MED13L: variants seen among roughly 807,000 people sequenced by gnomAD.
MED13L encodes the protein mediator of RNA polymerase II transcription subunit 13-like.
Under a neutral mutation model 220.9 loss-of-function variants are expected in MED13L, and 7 were observed. That is an observed-to-expected ratio of 0.03 (90% confidence interval 0.02 to 0.06). MED13L has a LOEUF of 0.06. Ranked by LOEUF, MED13L falls within the 10% of genes least tolerant of loss-of-function variation. MED13L has a pLI of 1.00. For missense variants in MED13L, 1,965 were observed against 2,760.5 expected (o/e 0.71, Z 6.46); for synonymous variants, 1,011 against 1,015.2 (o/e 1.00, Z 0.08).
intron 22 of MED13L, chr12:115,981,853 A>G (rs1877351510): frequency 6.5e-6 from 1 of 154,840 alleles, no homozygotes; most frequent in African/African-American, 2.4e-5. Flanking sequence ...ATAGAGAAAC[A>G]AGCTAGAAAT....
intron 23 of MED13L, among the ~76,000 whole-genome samples, chr12:115,980,200 CATTT>C (rs1426691590): frequency 6.6e-6 from 1 of 152,134 alleles, no homozygotes; most frequent in Non-Finnish European, 1.5e-5. Flanking sequence ...AAAAGGGATA[CATTT>C]ATTATTGCCT....
chr12:116,162,127 C>T (rs144218438), intron 2 of MED13L, among the ~76,000 whole-genome samples: 13 of 152,196 alleles, frequency 8.5e-5, no homozygotes, highest in African/African-American at 2.2e-4. Context: ...CCAAAACAGA[C>T]GAGTTTTTCC....
intron 2 of MED13L, among the ~76,000 whole-genome samples, chr12:116,176,818 C>T (rs557087692): frequency 1.7e-4 from 23 of 136,010 alleles, no homozygotes; most frequent in African/African-American, 6.4e-4. Context: ...GAAGGGGAGG[C>T]AACCAGTTAA....
At chr12:115,981,026 C>T (rs949239486) in intron 22 of MED13L, 88 bp from the exon 23 acceptor site, 15 of 1,122,760 alleles carry the variant, frequency 1.3e-5, no homozygotes, top group East Asian at 2.5e-5. Context: ...AAAAAGGAAA[C>T]GGCATGAATT....
chr12:116,079,411 A>G (rs1035791544), intron 4 of MED13L, among the ~76,000 whole-genome samples: 6 of 151,516 alleles, frequency 4.0e-5, no homozygotes, highest in Non-Finnish European at 8.8e-5. Flanking sequence ...GAGATGGGGG[A>G]GGGGGGGTCT....
At chr12:116,219,681 G>A (rs1340478287) in intron 2 of MED13L, among the ~76,000 whole-genome samples, 2 of 152,170 alleles carry the variant, frequency 1.3e-5, no homozygotes, top group Non-Finnish European at 1.5e-5. Context: ...TATTTTGAGA[G>A]TAAAATGTCA....
chr12:116,062,577 T>G (rs1869598331), intron 4 of MED13L, among the ~76,000 whole-genome samples: 2 of 142,720 alleles, frequency 1.4e-5, no homozygotes, highest in Admixed American at 1.5e-4. Context: ...AACCTCCACC[T>G]CCCGGGTTCA....
intron 16 of MED13L, 93 bp downstream of exon 16, chr12:115,996,383 C>A (rs750282112): frequency 2.4e-5 from 35 of 1,436,456 alleles, no homozygotes; most frequent in Non-Finnish European, 3.3e-5. Flanking sequence ...TGAGCCACCG[C>A]GCCCGGACCT....
chr12:116,108,368 C>T (rs1347153918), intron 3 of MED13L, among the ~76,000 whole-genome samples: 1 of 118,486 alleles, frequency 8.4e-6, no homozygotes, highest in Non-Finnish European at 1.6e-5. Flanking sequence ...CTAACATTAA[C>T]AATAGCTGAG....
intron 13 of MED13L, 149 bp downstream of exon 13, chr12:116,005,720 C>T: frequency 2.9e-6 from 3 of 1,027,630 alleles, no homozygotes; most frequent in Non-Finnish European, 4.4e-6. Flanking sequence ...TGACTAGATT[C>T]CAGTATACAG....
intron 4 of MED13L, among the ~76,000 whole-genome samples, chr12:116,085,754 T>TCACA (rs10611880): frequency 0.03 from 4,482 of 147,076 alleles, 118 homozygotes; most frequent in African/African-American, 0.069. Flanking sequence ...TTAAAATCAC[T>TCACA]CACACACACA....
In MED13L at chr12:115,991,489, C is replaced by T; in HGVS notation, c.3465G>A (p.Glu1155=). 1 of 1,614,132 alleles carries T rather than the reference C, an allele frequency of 6.2e-7. No individual in the cohort carries two copies. Among genetic ancestry groups the T allele is most frequent in the Non-Finnish European group, 8.5e-7 (1 of 1,180,018 alleles). ...ACCCACAGGTACAGCGGTACTGGTC[C>T]TCATTGGAAGAATCGGGGATGTAAA... ...VGLYIPDSSN[E]DQYRCTCGFS... Residue 1155 remains glutamate, a synonymous_variant, in exon 17 of 31, where the codon GAG becomes GAA. Transcript: ENST00000281928. The surrounding 1 kb of genome is among the most constrained non-coding windows in gnomAD (Gnocchi z 7.7).
intron 2 of MED13L, among the ~76,000 whole-genome samples, chr12:116,137,271 GACA>G (rs1565895211): frequency 1.3e-5 from 2 of 152,094 alleles, no homozygotes. Context: ...TAAAGATGAG[GACA>G]ACAATGGCAG....
chr12:116,252,615 A>T (rs1165875113), intron 1 of MED13L, among the ~76,000 whole-genome samples: 1 of 152,130 alleles, frequency 6.6e-6, no homozygotes, highest in African/African-American at 2.4e-5. Context: ...GAAGAAATTA[A>T]ACCAAAAGTA....
intron 1 of MED13L, chr12:116,276,349 T>TGTGC (rs200291063): frequency 8.8e-5 from 57 of 646,194 alleles, no homozygotes; most frequent in Admixed American, 1.8e-4. Flanking sequence ...TGTGTGTGTG[T>TGTGC]GTGCGGATTC....
intron 4 of MED13L, among the ~76,000 whole-genome samples, chr12:116,023,007 G>T (rs1365975541): frequency 6.6e-6 from 1 of 152,102 alleles, no homozygotes; most frequent in Non-Finnish European, 1.5e-5. Context: ...TTTTAAAGTG[G>T]CCCACTGACC....
chr12:116,179,239 A>G (rs980629610), intron 2 of MED13L, among the ~76,000 whole-genome samples: 11 of 148,670 alleles, frequency 7.4e-5, no homozygotes, highest in African/African-American at 2.7e-4. Flanking sequence ...GTGTGTGTAC[A>G]CAATTTTTTT....
intron 20 of MED13L, 114 bp downstream of exon 20, chr12:115,984,066 T>C (rs1877518941): frequency 8.4e-7 from 1 of 1,194,750 alleles, no homozygotes; most frequent in Admixed American, 2.0e-5. Context: ...CCTTAACAAA[T>C]ACAGCATTAC....
At position 116,111,562 on chromosome 12, in the gene MED13L, C is replaced by A. The variant is rs768435095; in HGVS notation, c.311-50G>T. The stretch of plus-strand genomic sequence containing the variant: ...AAAAAAGAACCAGTAAAAAGGACAT[C>A]CAAATAAAAAGAAACTTTTAAAACA... On this transcript the variant is annotated intron_variant, in intron 2 of 30. Transcript: ENST00000281928. The A allele has an allele frequency of 3.5e-6, 5 of 1,409,776 alleles. No homozygotes were observed. In the Admixed American group the frequency reaches 6.0e-5, roughly 17 times the overall value. 87.3% of individuals were successfully genotyped at this position (1,409,776 alleles called of 1,614,324 possible).
Sources: allele counts gnomAD v4.1 joint callset (sites outside exome capture counted in the v4.1 genomes callset), GRCh38; gene constraint gnomAD v4.1.1; non-coding constraint Gnocchi (gnomAD v3.1); transcripts MANE v1.5; gene names NCBI Gene and HGNC (gene_info 2026-07-23, HGNC 2026-07-21).